The following JAM2 variants were observed in gnomAD, a reference collection of about 807,000 sequenced individuals.
JAM2 encodes junctional adhesion molecule B.
JAM2 carries 17 observed loss-of-function variants against 42.0 expected under a neutral mutation model. The observed-to-expected ratio is 0.40, with a 90% CI of 0.28 to 0.61. JAM2 has a LOEUF of 0.61. Among genes scored for constraint, JAM2 ranks in the 20% least tolerant of loss-of-function variants. The probability of loss-of-function intolerance (pLI) is 0.37; values close to 1 mark genes in which losing one functional copy is unlikely to be tolerated. For synonymous variants in JAM2, 118 were observed against 128.6 expected (o/e 0.92, Z 0.56); for missense variants, 319 against 358.3 (o/e 0.89, Z 0.89).
chr21:25,713,085 T>C (rs1305387386), intron 9 of JAM2, among the ~76,000 whole-genome samples: 1 of 152,142 alleles, frequency 6.6e-6, no homozygotes, highest in Non-Finnish European at 1.5e-5. Context: ...GTACGGGCAC[T>C]AGCTCCATTC....
intron 1 of JAM2, among the ~76,000 whole-genome samples, chr21:25,670,534 C>A (rs373476310): frequency 6.6e-6 from 1 of 151,956 alleles, no homozygotes; most frequent in African/African-American, 2.4e-5. Flanking sequence ...CACAAAAACT[C>A]ATTTCCTGAC....
At chr21:25,640,008 C>T (rs999182234) in intron 1 of JAM2, 120 bp downstream of exon 1, 20 of 640,028 alleles carry the variant, frequency 3.1e-5, no homozygotes, top group Non-Finnish European at 4.5e-5. Flanking sequence ...CGCCGCGGGG[C>T]GTCTGACCTT....
At chr21:25,697,637 C>T (rs557735422) in intron 4 of JAM2, among the ~76,000 whole-genome samples, 9 of 152,250 alleles carry the variant, frequency 5.9e-5, no homozygotes, top group African/African-American at 2.2e-4. Context: ...CGTGGTGGCT[C>T]ATGCCTATAA....
intron 1 of JAM2, among the ~76,000 whole-genome samples, chr21:25,667,000 CT>C (rs1433673939): frequency 6.6e-6 from 1 of 152,124 alleles, no homozygotes; most frequent in Non-Finnish European, 1.5e-5. Flanking sequence ...ACTTCAAAAT[CT>C]TTTGTTCTTT....
intron 6 of JAM2, among the ~76,000 whole-genome samples, chr21:25,702,713 CAG>C (rs1355042042): frequency 6.6e-6 from 1 of 152,148 alleles, no homozygotes; most frequent in Non-Finnish European, 1.5e-5. Context: ...TTTAAGTAAT[CAG>C]AAAGTATCCC....
chr21:25,696,173 G>C (rs1205625645), intron 4 of JAM2, among the ~76,000 whole-genome samples: 1 of 152,198 alleles, frequency 6.6e-6, no homozygotes, highest in Non-Finnish European at 1.5e-5. Context: ...ATCACTCGCG[G>C]TTAGGAGCTG....
chr21:25,704,948 A>G (rs1346685911), intron 6 of JAM2, among the ~76,000 whole-genome samples: 1 of 152,242 alleles, frequency 6.6e-6, no homozygotes, highest in Non-Finnish European at 1.5e-5. Context: ...ATTATTAGGC[A>G]ACAGAATCAA....
chr21:25,677,831 C>T (rs542622143), intron 1 of JAM2, among the ~76,000 whole-genome samples: 5 of 152,188 alleles, frequency 3.3e-5, no homozygotes, highest in South Asian at 2.1e-4. Context: ...AGAGTTTCTC[C>T]GAGGGCATTA....
At chr21:25,711,798 T>C (rs2034389168) in intron 8 of JAM2, among the ~76,000 whole-genome samples, 1 of 152,178 alleles carries the variant, frequency 6.6e-6, no homozygotes. Flanking sequence ...GTGACATAGC[T>C]GCAGTGAGGG....
chr21:25,709,415 T>C lies in JAM2; in HGVS notation c.806-19T>C, dbSNP rs1362785743. ...CATAATAACCCTTGCATTAATGATA[T>C]ATACTTTTTCTTTTGTAGAAGAAAC... On this transcript the variant is annotated intron_variant, in intron 7 of 9. Coordinates refer to ENST00000480456, the MANE Select transcript of JAM2 (RefSeq NM_021219.4). 2.4e-5 allele frequency: 32 copies of C among 1,329,828 alleles called. No individual in the cohort carries two copies. The highest frequency in any genetic ancestry group is 3.4e-5 in the Admixed American group (2 of 58,896). 82.4% of individuals were successfully genotyped at this position (1,329,828 alleles called of 1,614,324 possible).
At chr21:25,662,048 C>T (rs1039807162) in intron 1 of JAM2, among the ~76,000 whole-genome samples, 6 of 151,870 alleles carry the variant, frequency 4.0e-5, no homozygotes, top group Admixed American at 6.6e-5. Context: ...TTGAGTTATT[C>T]GGTGTCAAAA....
At position 25,654,945 on chromosome 21, in the gene JAM2, A is replaced by T. The variant is rs77664513; in HGVS notation, c.67+15057A>T. On this transcript the variant is annotated intron_variant, in intron 1 of 9. Coordinates refer to ENST00000480456, the MANE Select transcript of JAM2 (RefSeq NM_021219.4). ...AGCAGGTCGGTGCTAGATGAAACAC[A>T]TGCATCTAAAGGCCTAAGAAGCAAA... Among the ~76,000 whole-genome samples the T allele has an allele frequency of 6.4e-3, 976 of 152,312 alleles. 15 individuals carry two copies. Among genetic ancestry groups the T allele is most frequent in the African/African-American group, 0.022 (905 of 41,568 alleles).
chr21:25,676,309 A>AG (rs1392458042), intron 1 of JAM2, among the ~76,000 whole-genome samples: 3 of 139,814 alleles, frequency 2.1e-5, no homozygotes, highest in Non-Finnish European at 4.8e-5. Context: ...AAAAAGAAAA[A>AG]GAAAAAAAAA....
Position 25,698,722 on chromosome 21 carries a change from G to C in JAM2, c.440G>C (p.Ser147Thr). ...TGTGAAGTACCCTCTTCTGCTCTGA[G>C]TGGAACTGTGGTAGAGCTACGATGT... ...PSCEVPSSAL[S>T]GTVVELRCQD... The change falls in exon 5 of 10, where the codon AGT becomes ACT. Residue 147 changes from serine to threonine, a missense_variant. Transcript: ENST00000480456. 1.9e-6 allele frequency: 3 copies of C among 1,614,180 alleles called. No individual in the cohort carries two copies. The highest frequency in any genetic ancestry group is 1.7e-6 in the Non-Finnish European group (2 of 1,180,012).
At chr21:25,659,933 T>G (rs969757729) in intron 1 of JAM2, among the ~76,000 whole-genome samples, 1 of 152,158 alleles carries the variant, frequency 6.6e-6, no homozygotes, top group Admixed American at 6.5e-5. Flanking sequence ...GTTGTTGTTG[T>G]TTTTCTGAGA....
chr21:25,712,902 A>G (rs1201971749), intron 9 of JAM2, among the ~76,000 whole-genome samples: 2 of 152,208 alleles, frequency 1.3e-5, no homozygotes, highest in Non-Finnish European at 2.9e-5. Flanking sequence ...AATACCATAC[A>G]CTGGGTAATT....
intron 1 of JAM2, among the ~76,000 whole-genome samples, chr21:25,662,514 C>T (rs750124435): frequency 6.6e-6 from 1 of 151,990 alleles, no homozygotes; most frequent in Non-Finnish European, 1.5e-5. Flanking sequence ...AGTGCAGTGA[C>T]GTGATCATAG....
chr21:25,713,813 C>T (rs73335980), intron 9 of JAM2, among the ~76,000 whole-genome samples: 1,949 of 152,294 alleles, frequency 0.013, 45 homozygotes, highest in African/African-American at 0.044. Context: ...AGTGTGGAAT[C>T]GAATACTCCC....
chr21:25,697,775 C>T (rs898148066), intron 4 of JAM2, among the ~76,000 whole-genome samples: 6 of 151,930 alleles, frequency 3.9e-5, no homozygotes, highest in African/African-American at 9.7e-5. Context: ...CGTGGTGGCT[C>T]GAGCCTATAT....
Sources: gnomAD v4.1 joint callset for allele counts (sites outside exome capture counted in the v4.1 genomes callset) on GRCh38, gnomAD v4.1.1 for gene constraint, MANE v1.5 for transcripts, NCBI Gene and HGNC (gene_info 2026-07-23, HGNC 2026-07-21) for gene names.